The following TRIM55 variants were observed in gnomAD, a reference collection of about 807,000 sequenced individuals.
TRIM55 encodes tripartite motif containing 55, also known as tripartite motif-containing protein 55.
In TRIM55, 50 loss-of-function variants were observed where a neutral mutation model predicts 60.9. That is an observed-to-expected ratio of 0.82 (90% CI 0.65 to 1.04). TRIM55 has a LOEUF of 1.04. TRIM55 is among the 50% of genes least tolerant of loss of function. The pLI is 0.00. For synonymous variants in TRIM55, 237 were observed against 238.1 expected (o/e 1.00, Z 0.04); for missense variants, 681 against 666.9 (o/e 1.02, Z -0.23).
chr8:66,132,308 C>T (rs1809207007), intron 2 of TRIM55, among the ~76,000 whole-genome samples: 1 of 152,110 alleles, frequency 6.6e-6, no homozygotes, highest in Non-Finnish European at 1.5e-5. Flanking sequence ...AAAAAATTAG[C>T]CAGGTGTGGT....
chr8:66,151,464 CA>C (rs1176023445), intron 7 of TRIM55, among the ~76,000 whole-genome samples: 2 of 152,200 alleles, frequency 1.3e-5, no homozygotes, highest in Admixed American at 6.5e-5. Flanking sequence ...CCAACATCCA[CA>C]GACAAAATTT....
chr8:66,161,835 G>A (rs1811069956), intron 9 of TRIM55, among the ~76,000 whole-genome samples: 1 of 150,524 alleles, frequency 6.6e-6, no homozygotes, highest in African/African-American at 2.4e-5. Flanking sequence ...TGCTGCTGGT[G>A]TATAGCAGAG....
At chr8:66,115,496 G>A in the TRIM55 span, among the ~76,000 whole-genome samples, 15 of 152,300 alleles carry the variant, frequency 9.8e-5, no homozygotes, top group Middle Eastern at 3.4e-3. Context: ...TTAAGTGACC[G>A]AAAGAGCAAG....
At chr8:66,129,750 A>G (rs1340761737) in intron 2 of TRIM55, among the ~76,000 whole-genome samples, 1 of 152,234 alleles carries the variant, frequency 6.6e-6, no homozygotes, top group East Asian at 1.9e-4. Flanking sequence ...AAACCAATTA[A>G]TTATGAGATT....
chr8:66,123,928 C>G (rs1197784609), upstream of TRIM55, among the ~76,000 whole-genome samples: 1 of 152,150 alleles, frequency 6.6e-6, no homozygotes, highest in Non-Finnish European at 1.5e-5. Flanking sequence ...TTATGAACCC[C>G]ACTCACTTAT....
At chr8:66,113,572 C>T in the TRIM55 span, 5 of 456,212 alleles carry the variant, frequency 1.1e-5, no homozygotes, top group East Asian at 3.5e-4. Flanking sequence ...GCTTTCTCCC[C>T]ATTTTGGGCC....
In TRIM55 at chr8:66,149,741, A is replaced by G. The variant is rs1563378170; in HGVS notation, c.700A>G (p.Thr234Ala). The G allele has an allele frequency of 6.2e-7, 1 of 1,614,136 alleles. No homozygotes were observed. The highest frequency in any genetic ancestry group is 8.5e-7 in the Non-Finnish European group (1 of 1,179,946). Residue 234 changes from threonine to alanine, a missense_variant, in exon 5 of 10, where the codon ACC (threonine) becomes GCC (alanine). By Grantham distance (58) the Thr-to-Ala change is moderately conservative. Transcript: ENST00000315962. ...ERKNEMTQVI[T>A]RTQEEKLEHV... The stretch of plus-strand genomic sequence containing the variant: ...GAAGAATGAAATGACCCAAGTCATT[A>G]CCCGAACCCAAGAGGAGAAACTGGA...
At chr8:66,137,257 A>T in intron 4 of TRIM55, 67 bp downstream of exon 4, 1 of 1,173,228 alleles carries the variant, frequency 8.5e-7, no homozygotes, top group Non-Finnish European at 1.3e-6. Flanking sequence ...TGACTTCCTT[A>T]GTGCCACACT....
At chr8:66,122,968 C>G (rs1187177839), upstream of TRIM55, among the ~76,000 whole-genome samples, 1 of 152,138 alleles carries the variant, frequency 6.6e-6, no homozygotes, top group South Asian at 2.1e-4. Flanking sequence ...TGAGGAAAAT[C>G]TACATTCTAT....
the TRIM55 span, among the ~76,000 whole-genome samples, chr8:66,114,134 G>A: frequency 2.8e-5 from 4 of 140,666 alleles, no homozygotes; most frequent in African/African-American, 1.1e-4. Flanking sequence ...TGTCTTCAGC[G>A]CTCAATGTTC....
chr8:66,137,658 A>C (rs2128975588), intron 4 of TRIM55, among the ~76,000 whole-genome samples: 1 of 152,018 alleles, frequency 6.6e-6, no homozygotes, highest in South Asian at 2.1e-4. Context: ...GTAGTTAGAG[A>C]ATGGCTCAGT....
intron 9 of TRIM55, among the ~76,000 whole-genome samples, chr8:66,173,059 C>G (rs907824213): frequency 7.9e-5 from 12 of 152,052 alleles, no homozygotes; most frequent in African/African-American, 2.7e-4. Flanking sequence ...AGGATTCTGT[C>G]AGGATAATGT....
intron 9 of TRIM55, among the ~76,000 whole-genome samples, chr8:66,163,356 A>C (rs1811152400): frequency 6.6e-6 from 1 of 152,150 alleles, no homozygotes; most frequent in Non-Finnish European, 1.5e-5. Context: ...TTAGGGTTAA[A>C]GCTCTGATTA....
At chr8:66,158,712 T>C (rs1810885682) in intron 9 of TRIM55, among the ~76,000 whole-genome samples, 1 of 152,258 alleles carries the variant, frequency 6.6e-6, no homozygotes. Flanking sequence ...ACAATAATTA[T>C]AATAGATTCT....
intron 2 of TRIM55, among the ~76,000 whole-genome samples, chr8:66,133,239 C>A (rs1284809138): frequency 6.6e-6 from 1 of 152,190 alleles, no homozygotes; most frequent in African/African-American, 2.4e-5. Context: ...CCATATTTGC[C>A]ATGCCTTCTC....
chr8:66,121,036 C>T, the TRIM55 span, among the ~76,000 whole-genome samples: 3 of 152,232 alleles, frequency 2.0e-5, no homozygotes, highest in Non-Finnish European at 2.9e-5. Context: ...TTCCTGGGCC[C>T]TGGCCCCTGA....
intron 9 of TRIM55, among the ~76,000 whole-genome samples, chr8:66,169,257 G>A (rs1811488916): frequency 6.6e-6 from 1 of 152,014 alleles, no homozygotes; most frequent in Non-Finnish European, 1.5e-5. Context: ...GGGTAAAGGG[G>A]GCTACTGGCA....
chr8:66,158,141 C>CCA (rs35285600), intron 9 of TRIM55, among the ~76,000 whole-genome samples: 3,745 of 114,750 alleles, frequency 0.033, 91 homozygotes, highest in South Asian at 0.07. Context: ...GATCTCCCCA[C>CCA]CACACACACA....
At chr8:66,174,195 C>A (rs1811794233) in intron 9 of TRIM55, among the ~76,000 whole-genome samples, 2 of 151,530 alleles carry the variant, frequency 1.3e-5, no homozygotes, top group Non-Finnish European at 2.9e-5. Context: ...CTAGAATAGC[C>A]TGAACTCCTT....
Sources: allele counts gnomAD v4.1 joint callset (sites outside exome capture counted in the v4.1 genomes callset), GRCh38; gene constraint gnomAD v4.1.1; transcripts MANE v1.5; gene names NCBI Gene and HGNC (gene_info 2026-07-23, HGNC 2026-07-21).